Variants in MBTD1 observed in about 807,000 individuals in gnomAD.
The protein encoded by MBTD1 is MBT domain-containing protein 1.
Under a neutral mutation model 87.8 loss-of-function variants are expected in MBTD1, and 24 were observed. The ratio of observed to expected loss-of-function variants is 0.27; its 90% CI spans 0.20 to 0.38. The LOEUF is 0.38. MBTD1 is among the 10% of genes least tolerant of loss of function. The pLI is 1.00. For synonymous variants in MBTD1, 237 were observed against 248.6 expected, an observed-to-expected ratio of 0.95 and a Z score of 0.44; for missense variants, 436 against 760.2, an observed-to-expected ratio of 0.57 and a Z score of 5.02.
chr17:51,211,490 GGAGT>G (rs937845774), intron 6 of MBTD1, among the ~76,000 whole-genome samples: 32 of 144,128 alleles, frequency 2.2e-4, no homozygotes, highest in African/African-American at 8.3e-4. Context: ...CTGGGCAACA[GGAGT>G]GAGACTGTTT....
intron 2 of MBTD1, among the ~76,000 whole-genome samples, chr17:51,249,351 G>A (rs531209593): frequency 1.1e-3 from 172 of 152,202 alleles, no homozygotes; most frequent in African/African-American, 3.9e-3. Context: ...ACTACATCTT[G>A]TGCTAAGTGT....
intron 2 of MBTD1, among the ~76,000 whole-genome samples, chr17:51,242,416 C>G (rs1315585906): frequency 6.6e-6 from 1 of 152,168 alleles, no homozygotes; most frequent in Non-Finnish European, 1.5e-5. Context: ...GTTACAGAAG[C>G]ATTACAGCAT....
chr17:51,195,989 C>T (rs2051078488), intron 12 of MBTD1, among the ~76,000 whole-genome samples: 1 of 152,158 alleles, frequency 6.6e-6, no homozygotes, highest in Non-Finnish European at 1.5e-5. Context: ...CCCACTGCAG[C>T]CTTGACCTCC....
chr17:51,259,958 G>A lies in MBTD1; in HGVS notation c.-236C>T. 1 of 1,124,442 alleles carries A rather than the reference G, an allele frequency of 8.9e-7. No homozygotes were observed. Among genetic ancestry groups the A allele is most frequent in the Non-Finnish European group, 1.1e-6 (1 of 889,804 alleles). The allele number at this position is 1,124,442 out of a possible 1,614,324, so 69.7% of individuals were successfully genotyped here. A position where few individuals can be genotyped will look rare whatever the true frequency, so the allele number is the denominator to read the frequency against. On this transcript the variant is annotated 5_prime_UTR_variant, in exon 1 of 17. Transcript: ENST00000586178. ...TCCCCGGGACTGCGGCGACTACAGG[G>A]GGCCCCCGGCTGGGCCCAGACCGGT...
intron 2 of MBTD1, among the ~76,000 whole-genome samples, chr17:51,228,897 C>T (rs1217305584): frequency 1.6e-3 from 2 of 1,250 alleles, no homozygotes; most frequent in African/African-American, 6.8e-3. Context: ...GAGTCCTTCT[C>T]GGGGGTGGGT....
chr17:51,260,570 T>C, upstream of MBTD1: 2 of 1,604,422 alleles, frequency 1.2e-6, no homozygotes, highest in Non-Finnish European at 1.7e-6. Context: ...CCTGCGTTTC[T>C]CCTCAAACCT....
intron 2 of MBTD1, among the ~76,000 whole-genome samples, chr17:51,229,660 C>T (rs73988573): frequency 0.03 from 3,492 of 117,810 alleles, 68 homozygotes; most frequent in Admixed American, 0.037. Context: ...TTTTAGTATA[C>T]TTTTTTTTTT....
At chr17:51,188,803 A>G (rs937601956) in intron 16 of MBTD1, among the ~76,000 whole-genome samples, 4 of 121,318 alleles carry the variant, frequency 3.3e-5, no homozygotes, top group African/African-American at 6.6e-5. Context: ...CTTGTTGCCC[A>G]GGCTGGAGTG....
At chr17:51,242,613 T>C (rs947225258) in intron 2 of MBTD1, among the ~76,000 whole-genome samples, 3 of 152,172 alleles carry the variant, frequency 2.0e-5, no homozygotes, top group Admixed American at 2.0e-4. Context: ...TTATTTCATT[T>C]TTTGGGGGGA....
intron 16 of MBTD1, among the ~76,000 whole-genome samples, chr17:51,181,789 T>C (rs561549398): frequency 1.3e-5 from 2 of 152,338 alleles, no homozygotes; most frequent in East Asian, 1.9e-4. Context: ...TGAGTTCTTA[T>C]CTGATGACTT....
intron 7 of MBTD1, among the ~76,000 whole-genome samples, chr17:51,204,776 C>T (rs1300032557): frequency 6.6e-6 from 1 of 152,166 alleles, no homozygotes; most frequent in South Asian, 2.1e-4. Flanking sequence ...GCTGGGATTA[C>T]AGGCATGAGC....
chr17:51,190,976 C>T (rs1376231573), intron 16 of MBTD1, among the ~76,000 whole-genome samples: 1 of 151,400 alleles, frequency 6.6e-6, no homozygotes, highest in Non-Finnish European at 1.5e-5. Flanking sequence ...CCAAGCTACT[C>T]AGGAGGCTGG....
chr17:51,218,503 T>C (rs887044214), intron 5 of MBTD1, among the ~76,000 whole-genome samples: 3 of 134,476 alleles, frequency 2.2e-5, no homozygotes. Flanking sequence ...AACTCTAGCC[T>C]GAGTGACAGA....
chr17:51,203,696 C>T, intron 8 of MBTD1, 95 bp downstream of exon 8: 1 of 1,396,740 alleles, frequency 7.2e-7, no homozygotes, highest in East Asian at 2.3e-5. Flanking sequence ...CATGCCCGGC[C>T]TTTAATTTCC....
At chr17:51,246,323 T>C (rs913240995) in intron 2 of MBTD1, among the ~76,000 whole-genome samples, 7 of 152,226 alleles carry the variant, frequency 4.6e-5, no homozygotes, top group African/African-American at 1.7e-4. Context: ...AGCAAAGGTG[T>C]CACTATCTCA....
chr17:51,203,746 G>A (rs1365622156), intron 8 of MBTD1, 45 bp downstream of exon 8: 1 of 1,560,686 alleles, frequency 6.4e-7, no homozygotes, highest in East Asian at 2.2e-5. Context: ...TAGCATTAAA[G>A]TACACATATA....
chr17:51,223,750 T>C (rs990188860), intron 3 of MBTD1, among the ~76,000 whole-genome samples: 1 of 152,018 alleles, frequency 6.6e-6, no homozygotes, highest in Non-Finnish European at 1.5e-5. Context: ...GCAGGAGAAT[T>C]GCTTGAACCC....
At chr17:51,211,780 A>AG (rs1180407947) in intron 6 of MBTD1, among the ~76,000 whole-genome samples, 1 of 151,718 alleles carries the variant, frequency 6.6e-6, no homozygotes, top group East Asian at 1.9e-4. Context: ...GGTCACGACT[A>AG]GGGAAAAAAA....
intron 2 of MBTD1, among the ~76,000 whole-genome samples, chr17:51,248,152 T>C (rs1460457887): frequency 6.6e-6 from 1 of 152,234 alleles, no homozygotes; most frequent in African/African-American, 2.4e-5. Flanking sequence ...ATTCATCTAT[T>C]ATGTGACTCT....
Sources: gnomAD v4.1 joint callset for allele counts (sites outside exome capture counted in the v4.1 genomes callset) on GRCh38, gnomAD v4.1.1 for gene constraint, MANE v1.5 for transcripts, NCBI Gene and HGNC (gene_info 2026-07-23, HGNC 2026-07-21) for gene names.